Variants in TCF7L1 observed in about 807,000 individuals in gnomAD.
The protein encoded by TCF7L1 is transcription factor 7-like 1.
A neutral mutation model predicts 63.7 loss-of-function variants in TCF7L1; 18 were observed. The ratio of observed to expected loss-of-function variants is 0.28; its 90% CI spans 0.20 to 0.42. The LOEUF is 0.42. TCF7L1 is among the 10% of genes least tolerant of loss of function. The probability of loss-of-function intolerance (pLI) is 1.00; values close to 1 mark genes in which losing one functional copy is unlikely to be tolerated. For missense variants in TCF7L1, 654 were observed against 779.3 expected (o/e 0.84, Z 1.91); for synonymous variants, 355 against 340.9 (o/e 1.04, Z -0.46).
At chr2:85,135,215 C>G (rs1345507610) in intron 3 of TCF7L1, among the ~76,000 whole-genome samples, 2 of 152,148 alleles carry the variant, frequency 1.3e-5, no homozygotes, top group African/African-American at 4.8e-5. Context: ...CCTTCGCCCC[C>G]TCTCTCTGGC....
chr2:85,303,909 C>G lies in TCF7L1; in HGVS notation c.673C>G (p.Pro225Ala), dbSNP rs201140591. 1.9e-6 allele frequency: 3 copies of G among 1,612,878 alleles called. No homozygotes were observed. The highest frequency in any genetic ancestry group is 2.5e-6 in the Non-Finnish European group (3 of 1,179,152). The stretch of plus-strand genomic sequence containing the variant: ...TTTGGAAGCAGGAATCCCCCGGCCC[C>G]CTCACCCATCCGAGCTGTCACCGTA... ...IDPKTGIPRP[P>A]HPSELSPYYP... The change falls in exon 6 of 12, where the codon CCT becomes GCT. Residue 225 changes from proline to alanine, a missense_variant. By Grantham distance (27) the Pro-to-Ala change is conservative. Coordinates refer to ENST00000282111, the MANE Select transcript of TCF7L1 (RefSeq NM_031283.3).
At chr2:85,283,136 G>A (rs1218178699) in intron 3 of TCF7L1, among the ~76,000 whole-genome samples, 4 of 152,134 alleles carry the variant, frequency 2.6e-5, no homozygotes, top group South Asian at 2.1e-4. Flanking sequence ...TCAGCCCTGC[G>A]TGTCCATGAC....
intron 3 of TCF7L1, among the ~76,000 whole-genome samples, chr2:85,164,897 A>C (rs1678380429): frequency 6.6e-6 from 1 of 152,234 alleles, no homozygotes; most frequent in African/African-American, 2.4e-5. Context: ...AATACTTCAG[A>C]ATTAAGGTTG....
intron 3 of TCF7L1, among the ~76,000 whole-genome samples, chr2:85,272,016 G>A (rs146286600): frequency 9.1e-4 from 138 of 152,262 alleles, no homozygotes; most frequent in Middle Eastern, 3.4e-3. Flanking sequence ...GCAACCTGCC[G>A]ATGTGGTTTG....
chr2:85,171,248 C>T (rs1353045271), intron 3 of TCF7L1, among the ~76,000 whole-genome samples: 1 of 152,158 alleles, frequency 6.6e-6, no homozygotes, highest in Non-Finnish European at 1.5e-5. Context: ...TCAGTTACCT[C>T]CCACCGGGTC....
At chr2:85,141,317 G>A (rs1361760299) in intron 3 of TCF7L1, among the ~76,000 whole-genome samples, 3 of 152,210 alleles carry the variant, frequency 2.0e-5, no homozygotes, top group Non-Finnish European at 2.9e-5. Context: ...ATGGAGGGAA[G>A]TGTTCCAGGC....
chr2:85,199,725 AT>A (rs560329428), intron 3 of TCF7L1, among the ~76,000 whole-genome samples: 90 of 152,286 alleles, frequency 5.9e-4, no homozygotes, highest in African/African-American at 2.1e-3. Flanking sequence ...ATACAAGATA[AT>A]TTTTTTATTT....
intron 3 of TCF7L1, among the ~76,000 whole-genome samples, chr2:85,244,793 G>A (rs1680421114): frequency 6.6e-6 from 1 of 152,094 alleles, no homozygotes; most frequent in South Asian, 2.1e-4. Flanking sequence ...AGATCCCTGA[G>A]ACTGAAGCTG....
intron 3 of TCF7L1, among the ~76,000 whole-genome samples, chr2:85,161,864 CA>C (rs1206896624): frequency 6.6e-6 from 1 of 151,964 alleles, no homozygotes; most frequent in African/African-American, 2.4e-5. Context: ...AGGCAGAGCT[CA>C]GAGGCTTGTG....
rs1374772140 is a variant in TCF7L1 at position 85,134,189 on chromosome 2, G to C, written c.313+110G>C. The C allele has an allele frequency of 6.7e-7, 1 of 1,501,314 alleles. No individual in the cohort carries two copies. The highest frequency in any genetic ancestry group is 1.4e-5 in the African/African-American group (1 of 70,698). 93.0% of individuals were successfully genotyped at this position (1,501,314 alleles called of 1,614,324 possible). On this transcript the variant is annotated intron_variant, in intron 2 of 11. Coordinates refer to ENST00000282111, the MANE Select transcript of TCF7L1 (RefSeq NM_031283.3). This position sits in a 1 kb window ranked among gnomAD's most constrained non-coding sequence, Gnocchi z 5.0. Reference sequence around the variant, plus strand: ...TTGGGTGGACGCACCCTTGCCCTCCGCCTTTATTGGCGGCAGCCCCCGTGG... The same window carrying C: ...TTGGGTGGACGCACCCTTGCCCTCCCCCTTTATTGGCGGCAGCCCCCGTGG...
At chr2:85,168,501 C>T (rs1016232645) in intron 3 of TCF7L1, among the ~76,000 whole-genome samples, 4 of 151,972 alleles carry the variant, frequency 2.6e-5, no homozygotes, top group African/African-American at 4.8e-5. Flanking sequence ...GTGGGGGTGT[C>T]GGGGAGTCAT....
At chr2:85,178,832 G>A (rs1053082037) in intron 3 of TCF7L1, among the ~76,000 whole-genome samples, 2 of 152,102 alleles carry the variant, frequency 1.3e-5, no homozygotes, top group African/African-American at 4.8e-5. Context: ...TCTTGTCTTA[G>A]GTGTCTCAAG....
chr2:85,193,080 T>A (rs528082951), intron 3 of TCF7L1, among the ~76,000 whole-genome samples: 1 of 152,336 alleles, frequency 6.6e-6, no homozygotes, highest in Admixed American at 6.5e-5. Flanking sequence ...AAGCCAAAGG[T>A]TGCTTTGTTA....
intron 7 of TCF7L1, 74 bp from the exon 8 acceptor site, chr2:85,305,183 GCCA>G (rs1682077772): frequency 6.3e-7 from 1 of 1,591,164 alleles, no homozygotes; most frequent in African/African-American, 1.3e-5. Flanking sequence ...AAGGCAGAGA[GCCA>G]CCGTGTCCTC....
intron 11 of TCF7L1, among the ~76,000 whole-genome samples, chr2:85,308,194 CTA>C (rs1208878526): frequency 6.6e-6 from 1 of 152,104 alleles, no homozygotes; most frequent in Non-Finnish European, 1.5e-5. Context: ...TATAAAATCT[CTA>C]TATTACCAGA....
At chr2:85,155,958 A>G (rs1473148677) in intron 3 of TCF7L1, among the ~76,000 whole-genome samples, 2 of 152,244 alleles carry the variant, frequency 1.3e-5, no homozygotes, top group African/African-American at 4.8e-5. Flanking sequence ...TTTGGCTCAT[A>G]TGTGGTCCTC....
intron 3 of TCF7L1, among the ~76,000 whole-genome samples, chr2:85,242,550 AG>A (rs1342661184): frequency 6.6e-6 from 1 of 152,234 alleles, no homozygotes; most frequent in Non-Finnish European, 1.5e-5. Context: ...CTTCTGCTGT[AG>A]GGAGAGTCAG....
At chr2:85,272,063 C>A (rs1213749137) in intron 3 of TCF7L1, among the ~76,000 whole-genome samples, 1 of 152,190 alleles carries the variant, frequency 6.6e-6, no homozygotes, top group Non-Finnish European at 1.5e-5. Context: ...GGGTTGCCCC[C>A]CACCCCCGCT....
intron 3 of TCF7L1, among the ~76,000 whole-genome samples, chr2:85,247,997 G>A (rs1455533933): frequency 3.9e-5 from 6 of 152,160 alleles, no homozygotes; most frequent in Admixed American, 1.3e-4. Context: ...ACTCCTTGTG[G>A]CCGGTAGTGT....
Sources: gnomAD v4.1 joint callset for allele counts (sites outside exome capture counted in the v4.1 genomes callset) on GRCh38, gnomAD v4.1.1 for gene constraint, Gnocchi (gnomAD v3.1) non-coding constraint, MANE v1.5 for transcripts, NCBI Gene and HGNC (gene_info 2026-07-23, HGNC 2026-07-21) for gene names.